Variants in ZFHX3 observed in about 807,000 individuals in gnomAD.
ZFHX3 encodes zinc finger homeobox 3, also known as zinc finger homeobox protein 3.
ZFHX3 carries 42 observed loss-of-function variants against 279.1 expected under a neutral mutation model. The ratio of observed to expected loss-of-function variants is 0.15; its 90% CI spans 0.12 to 0.19. The LOEUF is 0.19. Among genes scored for constraint, ZFHX3 ranks in the 10% least tolerant of loss-of-function variants. The pLI is 1.00. For missense variants in ZFHX3, 4,981 were observed against 4,754.0 expected (o/e 1.05, Z -1.40); for synonymous variants, 2,293 against 1,957.8 (o/e 1.17, Z -4.52).
intron 1 of ZFHX3, among the ~76,000 whole-genome samples, chr16:73,828,095 G>C: frequency 1.6e-5 from 1 of 63,674 alleles, no homozygotes; most frequent in Non-Finnish European, 3.0e-5. Flanking sequence ...CTCCTGTATT[G>C]GGTGCATAAA....
Position 72,798,378 on chromosome 16 carries a change from T to C in ZFHX3, c.4304A>G (p.Gln1435Arg). The C allele has an allele frequency of 6.2e-7, 1 of 1,614,216 alleles. No homozygotes were observed. Among genetic ancestry groups the C allele is most frequent in the South Asian group, 1.1e-5 (1 of 91,074 alleles). Residue 1435 changes from glutamine to arginine, a missense_variant, in exon 9 of 10, where the codon CAG becomes CGG. This residue lies in a region of ZFHX3 where 1,751 missense variants were observed against 1,770.0 expected (regional missense o/e 0.99). Coordinates refer to ENST00000268489, the MANE Select transcript of ZFHX3 (RefSeq NM_006885.4). ...IRAATMCCLC[Q>R]RSFRTFQALK... ...AGCCTGGAAAGTTCGGAAACTGCGC[T>C]GACAAAGACAGCACATGGTGGCAGC...
chr16:73,836,327 A>G (rs1039201976), intron 1 of ZFHX3, among the ~76,000 whole-genome samples: 1 of 152,182 alleles, frequency 6.6e-6, no homozygotes, highest in African/African-American at 2.4e-5. Flanking sequence ...CATAATGCCT[A>G]CATCAGAAAA....
chr16:73,334,713 A>G (rs1037318931), intron 3 of ZFHX3, among the ~76,000 whole-genome samples: 1 of 150,270 alleles, frequency 6.7e-6, no homozygotes, highest in Non-Finnish European at 1.5e-5. Context: ...AGCGTTTCAG[A>G]GTCCCCAAAT....
intron 2 of ZFHX3, among the ~76,000 whole-genome samples, chr16:73,550,045 C>T (rs896418065): frequency 2.0e-5 from 3 of 151,690 alleles, no homozygotes; most frequent in South Asian, 2.1e-4. Context: ...GTGGGAGGTG[C>T]GAAGGGTGGA....
chr16:73,006,472 T>C (rs1963705325), intron 1 of ZFHX3, among the ~76,000 whole-genome samples: 1 of 151,124 alleles, frequency 6.6e-6, no homozygotes, highest in African/African-American at 2.4e-5. Context: ...AAAAAAAAAA[T>C]TAAAGCCCAG....
intron 5 of ZFHX3, among the ~76,000 whole-genome samples, chr16:73,239,057 C>A (rs768561198): frequency 6.6e-6 from 1 of 152,256 alleles, no homozygotes; most frequent in Middle Eastern, 3.4e-3. Context: ...AGGCAGAGAC[C>A]GTGCCCTTCA....
intron 2 of ZFHX3, among the ~76,000 whole-genome samples, chr16:73,489,544 G>C (rs1160538488): frequency 6.6e-6 from 1 of 152,172 alleles, no homozygotes; most frequent in Non-Finnish European, 1.5e-5. Context: ...TGATGCATTA[G>C]ATCCAAATTG....
intron 1 of ZFHX3, among the ~76,000 whole-genome samples, chr16:72,982,268 T>C (rs1293280963): frequency 6.6e-6 from 1 of 152,136 alleles, no homozygotes; most frequent in Non-Finnish European, 1.5e-5. Flanking sequence ...TTTACAGGTT[T>C]AAAAAAATAA....
chr16:73,187,447 A>C (rs150028526), intron 5 of ZFHX3, among the ~76,000 whole-genome samples: 235 of 152,068 alleles, frequency 1.5e-3, no homozygotes, highest in Non-Finnish European at 2.7e-3. Context: ...CCCTCTCCTA[A>C]CTAGCTATTG....
chr16:72,901,281 A>G (rs918850170), intron 3 of ZFHX3, among the ~76,000 whole-genome samples: 12 of 152,210 alleles, frequency 7.9e-5, no homozygotes, highest in Non-Finnish European at 4.4e-5. Flanking sequence ...ACCAAATGCG[A>G]GAGGAAAATG....
intron 1 of ZFHX3, among the ~76,000 whole-genome samples, chr16:73,760,331 G>T (rs369353772): frequency 6.6e-6 from 1 of 152,194 alleles, no homozygotes; most frequent in East Asian, 1.9e-4. Context: ...AGGACCAGAC[G>T]GATTTACAGC....
At chr16:73,467,726 G>A (rs2018597221) in intron 2 of ZFHX3, among the ~76,000 whole-genome samples, 1 of 152,122 alleles carries the variant, frequency 6.6e-6, no homozygotes, top group Non-Finnish European at 1.5e-5. Flanking sequence ...AAAAAAGTTA[G>A]GAAACAGATT....
At chr16:73,831,738 A>C (rs79152391) in intron 1 of ZFHX3, among the ~76,000 whole-genome samples, 1,992 of 152,282 alleles carry the variant, frequency 0.013, 17 homozygotes, top group South Asian at 0.021. Context: ...GAGACTGGGA[A>C]GACACAAGAA....
intron 1 of ZFHX3, among the ~76,000 whole-genome samples, chr16:73,698,608 C>T (rs1331347667): frequency 6.6e-6 from 1 of 152,124 alleles, no homozygotes; most frequent in Non-Finnish European, 1.5e-5. Flanking sequence ...CAGGGTATTC[C>T]TGCCAAAATT....
intron 2 of ZFHX3, among the ~76,000 whole-genome samples, chr16:73,632,043 TA>T (rs1323678156): frequency 6.6e-6 from 1 of 151,548 alleles, no homozygotes; most frequent in Non-Finnish European, 1.5e-5. Context: ...CAAATCTAAC[TA>T]AAAAATGAAA....
chr16:73,849,369 G>C (rs1961536016), intron 1 of ZFHX3, among the ~76,000 whole-genome samples: 1 of 152,174 alleles, frequency 6.6e-6, no homozygotes, highest in African/African-American at 2.4e-5. Context: ...CTTCTCCCCT[G>C]TTGTGATTTT....
chr16:73,003,247 A>G (rs900254357), intron 1 of ZFHX3, among the ~76,000 whole-genome samples: 5 of 151,656 alleles, frequency 3.3e-5, no homozygotes, highest in Non-Finnish European at 5.9e-5. Context: ...CACGACTCTC[A>G]GGGTTTCCTT....
At chr16:73,347,813 A>T (rs114989676) in intron 3 of ZFHX3, among the ~76,000 whole-genome samples, 1 of 152,262 alleles carries the variant, frequency 6.6e-6, no homozygotes, top group African/African-American at 2.4e-5. Context: ...CTCAAAGAGG[A>T]TTAAATTATA....
rs543350885 is a variant in ZFHX3, at chr16:73,378,729, T to G, written c.-1290-60393A>C. The stretch of plus-strand genomic sequence containing the variant: ...CTCTGTTCCTTCTCCATGTGACATA[T>G]TCCTCCCCCCATGCTTTGGCTCTCA... On this transcript the variant is annotated intron_variant, in intron 3 of 17. Transcript: ENST00000641206. Among the ~76,000 whole-genome samples the G allele has an allele frequency of 3.9e-5, 6 of 152,324 alleles. No individual in the cohort carries two copies. In the South Asian group the frequency reaches 1.0e-3, roughly 26 times the overall value.
Sources: gnomAD v4.1 joint callset for allele counts (sites outside exome capture counted in the v4.1 genomes callset) on GRCh38, gnomAD v4.1.1 for gene constraint, gnomAD v4.1.1 regional missense constraint, MANE v1.5 for transcripts, NCBI Gene and HGNC (gene_info 2026-07-23, HGNC 2026-07-21) for gene names.